Variants in RPRD1A observed in about 807,000 individuals in gnomAD.
The protein encoded by RPRD1A is regulation of nuclear pre-mRNA domain containing 1A.
In RPRD1A, 9 loss-of-function variants were observed where a neutral mutation model predicts 37.8. The ratio of observed to expected loss-of-function variants is 0.24; its 90% CI spans 0.14 to 0.42. The LOEUF is 0.42. RPRD1A is among the 10% of genes least tolerant of loss of function. The pLI, the probability that RPRD1A is intolerant of heterozygous loss-of-function variation, is 1.00. For synonymous variants in RPRD1A, 138 were observed against 139.7 expected (o/e 0.99, Z 0.08); for missense variants, 255 against 371.0 (o/e 0.69, Z 2.57).
chr18:36,065,651 A>C (rs1282921925), intron 1 of RPRD1A, among the ~76,000 whole-genome samples: 2 of 152,204 alleles, frequency 1.3e-5, no homozygotes, highest in Non-Finnish European at 2.9e-5. Context: ...AACTTCATCA[A>C]CTAAGTTGAT....
At chr18:36,044,723 C>G (rs1477337393) in intron 1 of RPRD1A, among the ~76,000 whole-genome samples, 2 of 151,634 alleles carry the variant, frequency 1.3e-5, no homozygotes, top group South Asian at 4.2e-4. Flanking sequence ...AAAAGCAGAT[C>G]AAGTCTCATG....
At chr18:36,027,135 T>TC (rs1911427254) in intron 5 of RPRD1A, 49 bp downstream of exon 5, 29 of 1,612,568 alleles carry the variant, frequency 1.8e-5, no homozygotes, top group Non-Finnish European at 2.4e-5. Flanking sequence ...TATGCTGTTC[T>TC]CTCATCCCAA....
At chr18:36,019,911 G>C (rs532434546) in intron 6 of RPRD1A, among the ~76,000 whole-genome samples, 7 of 152,096 alleles carry the variant, frequency 4.6e-5, no homozygotes, top group Non-Finnish European at 1.0e-4. Flanking sequence ...GTGATGGCGC[G>C]CACCTGTAAT....
chr18:36,034,185 G>A (rs1444233300), intron 1 of RPRD1A, among the ~76,000 whole-genome samples: 1 of 152,102 alleles, frequency 6.6e-6, no homozygotes, highest in African/African-American at 2.4e-5. Context: ...TGTTTTAATA[G>A]ACATGTTAAT....
intron 1 of RPRD1A, among the ~76,000 whole-genome samples, chr18:36,065,454 G>T (rs559768370): frequency 4.6e-5 from 7 of 152,208 alleles, no homozygotes; most frequent in South Asian, 2.1e-4. Flanking sequence ...TAATGGAATG[G>T]TTTTTTTGTT....
intron 6 of RPRD1A, among the ~76,000 whole-genome samples, chr18:36,010,714 GA>G (rs1443794202): frequency 1.3e-5 from 2 of 152,196 alleles, no homozygotes; most frequent in African/African-American, 4.8e-5. Flanking sequence ...ATGGGGAGGA[GA>G]AAACACTTCG....
intron 6 of RPRD1A, among the ~76,000 whole-genome samples, chr18:36,002,424 A>T (rs986848368): frequency 6.6e-6 from 1 of 151,684 alleles, no homozygotes; most frequent in East Asian, 1.9e-4. Flanking sequence ...CATTCTTATT[A>T]TTTTTTTTAC....
chr18:36,061,101 C>A (rs1237313733), intron 1 of RPRD1A, among the ~76,000 whole-genome samples: 1 of 152,228 alleles, frequency 6.6e-6, no homozygotes, highest in East Asian at 1.9e-4. Flanking sequence ...CCCAAGCCCC[C>A]CTACCCCCGC....
At chr18:36,027,625 G>T in intron 4 of RPRD1A, 1 of 212,544 alleles carries the variant, frequency 4.7e-6, no homozygotes, top group Non-Finnish European at 9.5e-6. Flanking sequence ...TACATCAGTG[G>T]TGAAAGAGAA....
At chr18:36,016,998 A>G (rs1167844680) in intron 6 of RPRD1A, among the ~76,000 whole-genome samples, 1 of 150,194 alleles carries the variant, frequency 6.7e-6, no homozygotes, top group African/African-American at 2.5e-5. Flanking sequence ...ATAAGCATGT[A>G]CTACTTTTGC....
chr18:36,063,528 G>T (rs1333146253), intron 1 of RPRD1A, among the ~76,000 whole-genome samples: 1 of 152,152 alleles, frequency 6.6e-6, no homozygotes, highest in Middle Eastern at 3.2e-3. Context: ...TACACACTTT[G>T]AGAAACTAAA....
intron 4 of RPRD1A, 111 bp downstream of exon 4, chr18:36,030,697 T>A (rs1911715138): frequency 1.6e-6 from 1 of 644,898 alleles, no homozygotes; most frequent in South Asian, 2.1e-5. Context: ...TTCTTTCTTG[T>A]ACCTAAAAGT....
intron 6 of RPRD1A, among the ~76,000 whole-genome samples, chr18:36,008,575 G>GTGTGTGTATATGTATATGTA (rs1555670677): frequency 4.7e-5 from 2 of 42,372 alleles, no homozygotes; most frequent in Admixed American, 5.7e-4. Context: ...GACCTTGTGT[G>GTGTGTGTATATGTATATGTA]TGTATATATA....
chr18:36,044,058 TAGAA>T (rs1299874186), intron 1 of RPRD1A, among the ~76,000 whole-genome samples: 3 of 152,208 alleles, frequency 2.0e-5, no homozygotes, highest in Non-Finnish European at 2.9e-5. Flanking sequence ...AAGAAAATCA[TAGAA>T]AGAAAACATC....
intron 6 of RPRD1A, among the ~76,000 whole-genome samples, chr18:36,010,032 T>C (rs1328506696): frequency 1.3e-5 from 2 of 152,254 alleles, no homozygotes; most frequent in East Asian, 1.9e-4. Flanking sequence ...TATATTTACA[T>C]ACATCTTTGT....
rs116343241 is a variant in RPRD1A, at chr18:36,043,199, G to A, written c.152-9362C>T. ...TTTGGGAAAGATCAAGAAGAATCGG[G>A]GGGGGGGGAAGAAGGGGAGTTACCA... On this transcript the variant is annotated intron_variant, in intron 1 of 6. Coordinates refer to ENST00000399022, the MANE Select transcript of RPRD1A (RefSeq NM_018170.5). 4.5e-3 allele frequency among the ~76,000 whole-genome samples: 638 copies of A among 140,606 alleles called. 19 individuals carry two copies. Among genetic ancestry groups the A allele is most frequent in the African/African-American group, 0.015 (596 of 38,764 alleles). 92.2% of individuals were successfully genotyped at this position (140,606 alleles called of 152,430 possible).
At position 35,992,696 on chromosome 18, in the gene RPRD1A, T is replaced by G. The variant is rs1908782958; in HGVS notation, c.*455A>C. 1.3e-5 allele frequency: 2 copies of G among 152,760 alleles called. No individual in the cohort carries two copies. The highest frequency in any genetic ancestry group is 4.1e-4 in the South Asian group (2 of 4,832). 9.5% of individuals were successfully genotyped at this position (152,760 alleles called of 1,614,324 possible). On this transcript the variant is annotated 3_prime_UTR_variant, in exon 7 of 7. Coordinates refer to ENST00000399022, the MANE Select transcript of RPRD1A (RefSeq NM_018170.5). ...AAGGGTAAAGATTATGTTGGAACAT[T>G]TAGTCCCTTCTACAATCAAGTCCTA...
intron 6 of RPRD1A, among the ~76,000 whole-genome samples, chr18:36,020,375 T>G (rs1456734015): frequency 6.6e-6 from 1 of 152,172 alleles, no homozygotes; most frequent in African/African-American, 2.4e-5. Context: ...AGATGTCCTA[T>G]GTTATCTAAC....
chr18:36,051,067 T>A (rs1482730124), intron 1 of RPRD1A, among the ~76,000 whole-genome samples: 1 of 152,140 alleles, frequency 6.6e-6, no homozygotes, highest in Non-Finnish European at 1.5e-5. Flanking sequence ...TTGCTGTGTA[T>A]GGAAGAAAAT....
Sources: allele counts gnomAD v4.1 joint callset (sites outside exome capture counted in the v4.1 genomes callset), GRCh38; gene constraint gnomAD v4.1.1; transcripts MANE v1.5; gene names NCBI Gene and HGNC (gene_info 2026-07-23, HGNC 2026-07-21).